REPS1: variants seen among roughly 807,000 people sequenced by gnomAD.
The protein encoded by REPS1 is ralBP1-associated Eps domain-containing protein 1.
A neutral mutation model predicts 100.9 loss-of-function variants in REPS1; 39 were observed. The ratio of observed to expected loss-of-function variants is 0.39; its 90% CI spans 0.30 to 0.50. The LOEUF (loss-of-function observed/expected upper bound fraction) is 0.50, where lower values mean the gene tolerates loss of function less well. Ranked by LOEUF, REPS1 falls within the 20% of genes least tolerant of loss-of-function variation. The pLI, the probability that REPS1 is intolerant of heterozygous loss-of-function variation, is 0.86. For synonymous variants in REPS1, 324 were observed against 340.3 expected, an observed-to-expected ratio of 0.95 and a Z score of 0.53; for missense variants, 821 against 968.5, an observed-to-expected ratio of 0.85 and a Z score of 2.02.
chr6:138,937,237 A>G (rs185286640), intron 8 of REPS1, among the ~76,000 whole-genome samples: 1 of 152,324 alleles, frequency 6.6e-6, no homozygotes, highest in African/African-American at 2.4e-5. Context: ...AGAATTCAAG[A>G]TGAGATTTGG....
At chr6:138,965,924 A>G (rs1783993195) in intron 1 of REPS1, among the ~76,000 whole-genome samples, 1 of 152,198 alleles carries the variant, frequency 6.6e-6, no homozygotes, top group Admixed American at 6.5e-5. Flanking sequence ...AAAAGTTTAC[A>G]ATAAAACATT....
chr6:138,925,243 T>C (rs1163493301), intron 10 of REPS1, among the ~76,000 whole-genome samples: 1 of 151,914 alleles, frequency 6.6e-6, no homozygotes, highest in Non-Finnish European at 1.5e-5. Context: ...GGCGGACACC[T>C]GTAGTCCCAG....
Position 138,987,716 on chromosome 6 carries a change from A to T in REPS1, c.-34T>A. On this transcript the variant is annotated 5_prime_UTR_variant, in exon 1 of 20. An upstream start codon of the reference 5' UTR is lost. Coordinates refer to ENST00000450536, the MANE Select transcript of REPS1 (RefSeq NM_001286611.2). ...CCGGCTCACGGCCGCCCCGCCCCGC[A>T]TGCACTACTCGGGGCCCGGCCCCAG... is the stretch of plus-strand genomic sequence containing the variant. The T allele has an allele frequency of 6.6e-7, 1 of 1,516,922 alleles. No homozygotes were observed. The highest frequency in any genetic ancestry group is 2.6e-5 in the East Asian group (1 of 38,238). The allele number at this position is 1,516,922 out of a possible 1,614,324, so 94.0% of individuals were successfully genotyped here.
chr6:138,942,141 G>A (rs1415471010), intron 7 of REPS1, among the ~76,000 whole-genome samples: 2 of 151,970 alleles, frequency 1.3e-5, no homozygotes, highest in Non-Finnish European at 2.9e-5. Flanking sequence ...CACCGCACCC[G>A]GCTGACATGT....
chr6:138,918,614 C>G (rs10499205), intron 12 of REPS1, among the ~76,000 whole-genome samples: 11,819 of 152,082 alleles, frequency 0.078, 895 homozygotes, highest in East Asian at 0.21. Context: ...CTGTAATGGA[C>G]AAAAAGGTCG....
At chr6:138,973,916 C>T (rs1227084802) in intron 1 of REPS1, among the ~76,000 whole-genome samples, 1 of 152,052 alleles carries the variant, frequency 6.6e-6, no homozygotes, top group African/African-American at 2.4e-5. Context: ...ATCATGTTCA[C>T]TCATTCAACA....
intron 12 of REPS1, among the ~76,000 whole-genome samples, chr6:138,918,773 G>A (rs1042967063): frequency 6.6e-6 from 1 of 152,078 alleles, no homozygotes; most frequent in Non-Finnish European, 1.5e-5. Context: ...TTTCTGCAGA[G>A]GAAACATTTA....
At chr6:138,981,837 T>C (rs1784971168) in intron 1 of REPS1, among the ~76,000 whole-genome samples, 1 of 152,232 alleles carries the variant, frequency 6.6e-6, no homozygotes, top group Admixed American at 6.5e-5. Flanking sequence ...CATGCTCTTG[T>C]GTCGCTCCAT....
At chr6:138,929,237 T>A (rs1781335529) in intron 9 of REPS1, 1 of 152,162 alleles carries the variant, frequency 6.6e-6, no homozygotes, top group Non-Finnish European at 1.5e-5. Flanking sequence ...CAAATGGAGC[T>A]CTCCAGGGCA....
chr6:138,944,250 A>G (rs1211325789), intron 5 of REPS1, among the ~76,000 whole-genome samples: 2 of 152,248 alleles, frequency 1.3e-5, no homozygotes, highest in Non-Finnish European at 2.9e-5. Flanking sequence ...TGTGCTAAGA[A>G]AGCCAAGCAA....
intron 5 of REPS1, 125 bp from the exon 6 acceptor site, chr6:138,944,140 CA>C (rs1333368016): frequency 7.0e-6 from 6 of 863,056 alleles, no homozygotes; most frequent in Non-Finnish European, 1.1e-5. Context: ...TGTAAAACCA[CA>C]CATCTGTTAC....
rs185274645 is a variant in REPS1 at position 138,987,247 on chromosome 6, T to C, written c.153+283A>G. On this transcript the variant is annotated intron_variant, in intron 1 of 19. Coordinates refer to ENST00000450536, the MANE Select transcript of REPS1 (RefSeq NM_001286611.2). Reference sequence around the variant, plus strand: ...ACAACCTAAGATCCTTCAAGTGAGATAGCTCTTGCAGTACAGAGCACAGAT... The same window carrying C: ...ACAACCTAAGATCCTTCAAGTGAGACAGCTCTTGCAGTACAGAGCACAGAT... Among the ~76,000 whole-genome samples the C allele has an allele frequency of 3.5e-4, 54 of 152,334 alleles. 1 individual carries two copies. The East Asian group carries it at 8.9e-3, about 25-fold the overall frequency.
intron 1 of REPS1, among the ~76,000 whole-genome samples, chr6:138,977,859 C>A (rs943310650): frequency 2.6e-5 from 4 of 152,102 alleles, no homozygotes; most frequent in African/African-American, 9.7e-5. Flanking sequence ...ATTTACAGTC[C>A]CAAGAAGTGC....
chr6:138,955,457 A>AAGTGGGTGTGTGTGT (rs10689184), intron 1 of REPS1, among the ~76,000 whole-genome samples: 1 of 90,720 alleles, frequency 1.1e-5, no homozygotes. Flanking sequence ...AAAAAAAAAA[A>AAGTGGGTGTGTGTGT]GTGTGTGTGT....
Position 138,908,661 on chromosome 6 carries a change from T to C in REPS1, c.2216+7A>G. 4 of 1,614,034 alleles carry C rather than the reference T, an allele frequency of 2.5e-6. No homozygotes were observed. Among genetic ancestry groups the C allele is most frequent in the Non-Finnish European group, 2.5e-6 (3 of 1,179,942 alleles). On this transcript the variant is annotated splice_region_variant and intron_variant, in intron 18 of 19. Transcript: ENST00000450536. ...AATTAAATGTGTCTAGGAATAGCTT[T>C]GATTACCTGGGAATAGAAGGTTGTG...
intron 1 of REPS1, among the ~76,000 whole-genome samples, chr6:138,955,457 A>AAGTGTGTGTGTGTGTGTGT (rs10689184): frequency 0.012 from 1,103 of 90,600 alleles, 12 homozygotes; most frequent in East Asian, 0.032. Context: ...AAAAAAAAAA[A>AAGTGTGTGTGTGTGTGTGT]GTGTGTGTGT....
chr6:138,952,920 C>A (rs1039126525), intron 1 of REPS1, among the ~76,000 whole-genome samples: 5 of 151,850 alleles, frequency 3.3e-5, no homozygotes, highest in Non-Finnish European at 7.4e-5. Context: ...TCACCACAAC[C>A]TCCACCTCCT....
intron 7 of REPS1, 54 bp from the exon 8 acceptor site, chr6:138,941,543 T>C: frequency 1.3e-6 from 2 of 1,514,202 alleles, no homozygotes; most frequent in Non-Finnish European, 1.8e-6. Flanking sequence ...GATCCTTTTA[T>C]TTCTCAAAAA....
Position 138,945,343 on chromosome 6 carries a change from C to T in REPS1, c.504G>A (p.Gln168=). Residue 168 remains glutamine, a synonymous_variant, in exon 4 of 20, where the codon CAG becomes CAA. Coordinates refer to ENST00000450536, the MANE Select transcript of REPS1 (RefSeq NM_001286611.2). ...QEPASPVVSP[Q]QSPPTSPHTW... ...TGTGTGGAGAAGTTGGTGGGGATTG[C>T]TGTGGTGAAACTACTGGGGATGCAG... 6.2e-7 allele frequency: 1 copy of T among 1,611,574 alleles called. No homozygotes were observed. The highest frequency in any genetic ancestry group is 1.1e-5 in the South Asian group (1 of 90,766).
Sources: allele counts gnomAD v4.1 joint callset (sites outside exome capture counted in the v4.1 genomes callset), GRCh38; gene constraint gnomAD v4.1.1; transcripts MANE v1.5; gene names NCBI Gene and HGNC (gene_info 2026-07-23, HGNC 2026-07-21).